Variants in ROCK2 observed in about 807,000 individuals in gnomAD.
ROCK2 encodes the protein Rho associated coiled-coil containing protein kinase 2, also known as rho-associated protein kinase 2.
ROCK2 carries 61 observed loss-of-function variants against 195.1 expected under a neutral mutation model. The ratio of observed to expected loss-of-function variants is 0.31; its 90% CI spans 0.25 to 0.39. The LOEUF (loss-of-function observed/expected upper bound fraction) is 0.39. Among genes scored for constraint, ROCK2 ranks in the 10% least tolerant of loss-of-function variants. The pLI is 1.00. For missense variants in ROCK2, 1,109 were observed against 1,637.4 expected (o/e 0.68, Z 5.57); for synonymous variants, 504 against 545.5 (o/e 0.92, Z 1.06).
rs10640683 is a variant in ROCK2 at position 11,254,727 on chromosome 2, T to TA, written c.325-4930dup. ...TAGGCAACAGTGAGACCCTGTCTCT[T>TA]AAAAAAAAAAAAAAAAAAAAAAAAA... On this transcript the variant is annotated intron_variant, in intron 3 of 32. Transcript: ENST00000315872. 7.8e-3 allele frequency among the ~76,000 whole-genome samples: 305 copies of TA among 39,126 alleles called. 49 individuals are homozygous for TA. Among genetic ancestry groups the TA allele is most frequent in the Non-Finnish European group, 9.7e-3 (219 of 22,694 alleles). The allele number at this position is 39,126 out of a possible 152,430, so 25.7% of individuals were successfully genotyped here.
intron 3 of ROCK2, among the ~76,000 whole-genome samples, chr2:11,285,269 A>T (rs963314593): frequency 2.8e-4 from 42 of 151,802 alleles, no homozygotes; most frequent in African/African-American, 1.0e-3. Flanking sequence ...TCTAAAAAAA[A>T]AAAAAAAAAA....
chr2:11,200,950 G>T lies in ROCK2; in HGVS notation c.2910+7C>A. ...TAATCCAAAAAAGCACCAAGAATTTGACTTACAGAAGCAATTGTAGCATCT... is the reference window on the plus strand; with the variant it reads ...TAATCCAAAAAAGCACCAAGAATTTTACTTACAGAAGCAATTGTAGCATCT... On this transcript the variant is annotated splice_region_variant and intron_variant, in intron 23 of 32. Coordinates refer to ENST00000315872, the MANE Select transcript of ROCK2 (RefSeq NM_004850.5). 1 of 1,584,620 alleles carries T rather than the reference G, an allele frequency of 6.3e-7. No homozygotes were observed. Among genetic ancestry groups the T allele is most frequent in the East Asian group, 2.2e-5 (1 of 44,472 alleles).
intron 1 of ROCK2, among the ~76,000 whole-genome samples, chr2:11,336,832 TG>T: frequency 6.6e-6 from 1 of 152,274 alleles, no homozygotes; most frequent in Non-Finnish European, 1.5e-5. Flanking sequence ...TAGACCTAAA[TG>T]TAAAAGTCAA....
chr2:11,237,615 C>A (rs1427662251), intron 4 of ROCK2, among the ~76,000 whole-genome samples: 1 of 152,074 alleles, frequency 6.6e-6, no homozygotes, highest in African/African-American at 2.4e-5. Flanking sequence ...AACCTCTCAG[C>A]CAACATACTG....
At chr2:11,307,637 C>G (rs1667899421) in intron 1 of ROCK2, among the ~76,000 whole-genome samples, 1 of 152,222 alleles carries the variant, frequency 6.6e-6, no homozygotes, top group Admixed American at 6.5e-5. Context: ...AAAGAGACTT[C>G]TAAATAACAA....
intron 32 of ROCK2, among the ~76,000 whole-genome samples, chr2:11,186,910 C>A (rs749695928): frequency 6.6e-6 from 1 of 152,176 alleles, no homozygotes; most frequent in Non-Finnish European, 1.5e-5. Flanking sequence ...TTTCCCCAAG[C>A]GCTCTGTTCA....
At chr2:11,199,864 T>C (rs1290165800) in intron 23 of ROCK2, among the ~76,000 whole-genome samples, 1 of 152,220 alleles carries the variant, frequency 6.6e-6, no homozygotes, top group Non-Finnish European at 1.5e-5. Flanking sequence ...TGGACTTTCT[T>C]CTGACTGCAT....
At chr2:11,214,513 A>AT in intron 16 of ROCK2, 50 bp from the exon 17 acceptor site, 1 of 1,060,116 alleles carries the variant, frequency 9.4e-7, no homozygotes, top group Non-Finnish European at 1.4e-6. Flanking sequence ...AAGTATATAC[A>AT]TTCAATTAGG....
chr2:11,243,627 C>A (rs533213995), intron 4 of ROCK2, among the ~76,000 whole-genome samples: 51 of 152,170 alleles, frequency 3.4e-4, no homozygotes, highest in East Asian at 1.9e-3. Context: ...AGACAAATTC[C>A]TACAGAGGAG....
chr2:11,340,889 TTGA>T (rs1669082538), intron 1 of ROCK2, among the ~76,000 whole-genome samples: 1 of 152,158 alleles, frequency 6.6e-6, no homozygotes, highest in Admixed American at 6.5e-5. Flanking sequence ...TGTTTACTCT[TTGA>T]AAGAGTAAAA....
Position 11,235,659 on chromosome 2 carries a change from T to G in ROCK2, c.723+43A>C, listed in dbSNP as rs1665178073. On this transcript the variant is annotated intron_variant, in intron 5 of 32. Transcript: ENST00000315872. The surrounding 1 kb of genome is among the most constrained non-coding windows in gnomAD (Gnocchi z 4.2). ...TGACTTAAAGTATTTCATTTATTTC[T>G]GTCCCTCAAAACACTATCGTTTTAA... is the stretch of plus-strand genomic sequence containing the variant. 2 of 1,547,614 alleles carry G rather than the reference T, an allele frequency of 1.3e-6. No individual in the cohort carries two copies. The highest frequency in any genetic ancestry group is 2.5e-5 in the South Asian group (2 of 79,272).
chr2:11,261,393 A>G (rs1329109529), intron 3 of ROCK2, among the ~76,000 whole-genome samples: 1 of 152,060 alleles, frequency 6.6e-6, no homozygotes, highest in African/African-American at 2.4e-5. Flanking sequence ...TTTTATTATT[A>G]TTTTCCTCAG....
intron 3 of ROCK2, among the ~76,000 whole-genome samples, chr2:11,260,246 C>T (rs900785748): frequency 6.7e-6 from 1 of 149,560 alleles, no homozygotes; most frequent in African/African-American, 2.6e-5. Flanking sequence ...TCAGGAGTTC[C>T]AGACCAGTGT....
intron 1 of ROCK2, among the ~76,000 whole-genome samples, chr2:11,295,935 T>C (rs1046947086): frequency 3.4e-4 from 45 of 133,526 alleles, no homozygotes; most frequent in African/African-American, 1.2e-3. Context: ...CCAGCCTGGG[T>C]GACAGAGCGA....
Position 11,198,518 on chromosome 2 carries a change from T to C in ROCK2, c.3072A>G (p.Leu1024=), listed in dbSNP as rs758661675. 7.0e-5 allele frequency: 113 copies of C among 1,611,860 alleles called. No individual in the cohort carries two copies. Among genetic ancestry groups the C allele is most frequent in the South Asian group, 6.6e-4 (60 of 91,014 alleles). The stretch of plus-strand genomic sequence containing the variant: ...GAGTTTTGAGTGTTCTTTCTGTTAA[T>C]AGCTGCTTCTCAAACTGTGCTTTAA... ...AAIKAQFEKQ[L]LTERTLKTQA... Residue 1024 remains leucine (L), a synonymous_variant, in exon 25 of 33, where the codon CTA becomes CTG. Transcript: ENST00000315872.
intron 4 of ROCK2, among the ~76,000 whole-genome samples, chr2:11,236,784 GAAAAC>G (rs775652483): frequency 1.3e-4 from 20 of 152,136 alleles, no homozygotes; most frequent in Non-Finnish European, 2.5e-4. Flanking sequence ...ATGAAATAGA[GAAAAC>G]AGCAATTTGA....
chr2:11,263,651 GCA>G (rs11376538), intron 3 of ROCK2, among the ~76,000 whole-genome samples: 10 of 144,086 alleles, frequency 6.9e-5, no homozygotes, highest in Admixed American at 1.4e-4. Flanking sequence ...ATAGCACAAG[GCA>G]CACACACACA....
chr2:11,247,204 G>A (rs1317642068), intron 4 of ROCK2, among the ~76,000 whole-genome samples: 1 of 151,968 alleles, frequency 6.6e-6, no homozygotes, highest in African/African-American at 2.4e-5. Flanking sequence ...GGGCAGGGGG[G>A]CAGGTGGAAT....
chr2:11,206,578 T>C (rs754108785), intron 20 of ROCK2, among the ~76,000 whole-genome samples: 13 of 152,326 alleles, frequency 8.5e-5, no homozygotes, highest in East Asian at 1.9e-4. Flanking sequence ...TGGCAATAAA[T>C]AGATCAGCTC....
Sources: allele counts gnomAD v4.1 joint callset (sites outside exome capture counted in the v4.1 genomes callset), GRCh38; gene constraint gnomAD v4.1.1; non-coding constraint Gnocchi (gnomAD v3.1); transcripts MANE v1.5; gene names NCBI Gene and HGNC (gene_info 2026-07-23, HGNC 2026-07-21).